Variants in ARB2A observed in about 807,000 individuals in gnomAD.
The protein encoded by ARB2A is ARB2 cotranscriptional regulator A.
the ARB2A span, among the ~76,000 whole-genome samples, chr5:93,687,599 T>A: frequency 6.6e-6 from 1 of 152,202 alleles, no homozygotes; most frequent in Non-Finnish European, 1.5e-5. Flanking sequence ...AGGCAATATG[T>A]ACATTTTTTT....
At chr5:93,679,683 T>TA in the ARB2A span, among the ~76,000 whole-genome samples, 1 of 152,026 alleles carries the variant, frequency 6.6e-6, no homozygotes, top group African/African-American at 2.4e-5. Flanking sequence ...GAAGAAAACA[T>TA]AAAAAAGCCT....
chr5:93,649,587 A>C, the ARB2A span, among the ~76,000 whole-genome samples: 2 of 152,212 alleles, frequency 1.3e-5, no homozygotes, highest in Admixed American at 6.5e-5. Flanking sequence ...TCTGTGTATA[A>C]ATTCTTTTTA....
At chr5:93,824,349 A>G in the ARB2A span, 2 of 895,118 alleles carry the variant, frequency 2.2e-6, no homozygotes, top group African/African-American at 3.4e-5. Flanking sequence ...ATATGCTTGC[A>G]TACACAGCAT....
At chr5:93,786,440 A>G in the ARB2A span, among the ~76,000 whole-genome samples, 1 of 152,216 alleles carries the variant, frequency 6.6e-6, no homozygotes, top group Admixed American at 6.5e-5. Flanking sequence ...ATAATCCAAT[A>G]TGATACTCTC....
the ARB2A span, among the ~76,000 whole-genome samples, chr5:93,985,819 G>C: frequency 6.6e-6 from 1 of 152,226 alleles, no homozygotes; most frequent in African/African-American, 2.4e-5. Flanking sequence ...AAAGTGCTGA[G>C]ATTGCAGCCT....
the ARB2A span, among the ~76,000 whole-genome samples, chr5:93,800,217 C>T: frequency 6.6e-6 from 1 of 151,892 alleles, no homozygotes; most frequent in African/African-American, 2.4e-5. Flanking sequence ...GTGTTTAGAC[C>T]AAGCTTGACT....
chr5:93,800,630 T>A, the ARB2A span, among the ~76,000 whole-genome samples: 1 of 152,106 alleles, frequency 6.6e-6, no homozygotes, highest in Non-Finnish European at 1.5e-5. Context: ...AAAAATGTTA[T>A]TAATGTCCTT....
the ARB2A span, among the ~76,000 whole-genome samples, chr5:93,675,350 T>A: frequency 6.6e-6 from 1 of 152,174 alleles, no homozygotes; most frequent in Non-Finnish European, 1.5e-5. Flanking sequence ...AAAATAGTGA[T>A]ACTAATTAGA....
chr5:93,905,933 A>G, the ARB2A span, among the ~76,000 whole-genome samples: 1 of 151,528 alleles, frequency 6.6e-6, no homozygotes, highest in Non-Finnish European at 1.5e-5. Flanking sequence ...AAAATATTTT[A>G]ATTTTGTCAA....
the ARB2A span, among the ~76,000 whole-genome samples, chr5:93,950,766 A>T: frequency 6.6e-6 from 1 of 151,778 alleles, no homozygotes; most frequent in Non-Finnish European, 1.5e-5. Flanking sequence ...AACAGGGTCA[A>T]ACCCTGTCTC....
the ARB2A span, among the ~76,000 whole-genome samples, chr5:93,711,407 T>C: frequency 1.3e-5 from 2 of 152,144 alleles, no homozygotes; most frequent in African/African-American, 4.8e-5. Flanking sequence ...CCATAAAAAA[T>C]TTATTTTCCT....
the ARB2A span, chr5:93,738,771 G>A: frequency 6.6e-6 from 1 of 152,210 alleles, no homozygotes; most frequent in Non-Finnish European, 1.5e-5. Context: ...TCACAGAAAG[G>A]TTACCAGGGG....
At chr5:94,066,773 C>T in the ARB2A span, among the ~76,000 whole-genome samples, 2 of 152,138 alleles carry the variant, frequency 1.3e-5, no homozygotes, top group African/African-American at 4.8e-5. Context: ...AAAACTAACA[C>T]AATTTCTCCT....
At chr5:93,644,854 C>T in the ARB2A span, among the ~76,000 whole-genome samples, 1 of 151,966 alleles carries the variant, frequency 6.6e-6, no homozygotes, top group Non-Finnish European at 1.5e-5. Flanking sequence ...GTTAAGAAAT[C>T]TGCATTCTTT....
At chr5:93,773,524 G>A in the ARB2A span, among the ~76,000 whole-genome samples, 1 of 152,032 alleles carries the variant, frequency 6.6e-6, no homozygotes, top group Non-Finnish European at 1.5e-5. Context: ...ATGAAAGTGT[G>A]GATCATTTCA....
At chr5:93,872,117 T>A in the ARB2A span, among the ~76,000 whole-genome samples, 9 of 151,940 alleles carry the variant, frequency 5.9e-5, no homozygotes, top group Non-Finnish European at 1.3e-4. Context: ...CCCGGCTATT[T>A]TTGTATTTTT....
chr5:93,724,026 A>C, the ARB2A span, among the ~76,000 whole-genome samples: 1 of 152,078 alleles, frequency 6.6e-6, no homozygotes, highest in Non-Finnish European at 1.5e-5. Flanking sequence ...TAAGAATTGC[A>C]GGTTCTTAAT....
At chr5:93,637,354 G>GTTTTTTTTTTTTTTTTTTTTTT in the ARB2A span, among the ~76,000 whole-genome samples, 2 of 116,110 alleles carry the variant, frequency 1.7e-5, no homozygotes, top group Non-Finnish European at 3.4e-5. Flanking sequence ...GGGTTGTTTA[G>GTTTTTTTTTTTTTTTTTTTTTT]TTTTTTTTTT....
chr5:93,821,751 C>A, the ARB2A span, among the ~76,000 whole-genome samples: 7 of 151,934 alleles, frequency 4.6e-5, no homozygotes, highest in Non-Finnish European at 8.8e-5. Flanking sequence ...ACATATTAAT[C>A]AAATTTGTCA....
Sources: allele counts gnomAD v4.1 joint callset (sites outside exome capture counted in the v4.1 genomes callset), GRCh38; gene constraint gnomAD v4.1.1; transcripts MANE v1.5; gene names NCBI Gene and HGNC (gene_info 2026-07-23, HGNC 2026-07-21).